PLXNB3: variants seen among roughly 807,000 people sequenced by gnomAD.
The protein encoded by PLXNB3 is plexin B3.
PLXNB3 carries 80 observed loss-of-function variants against 125.7 expected under a neutral mutation model. The observed-to-expected ratio is 0.64, with a 90% confidence interval of 0.53 to 0.77. The LOEUF (loss-of-function observed/expected upper bound fraction) is 0.77, where lower values mean the gene tolerates loss of function less well. Among genes scored for constraint, PLXNB3 ranks in the 30% least tolerant of loss-of-function variants. PLXNB3 has a pLI of 0.00. For missense variants in PLXNB3, 1,836 were observed against 1,729.3 expected (o/e 1.06, Z -1.09); for synonymous variants, 954 against 783.3 (o/e 1.22, Z -3.64).
chrX:153,769,706 CCCACTGCACT>C (rs2148418176), intron 6 of PLXNB3, 91 bp from the exon 7 acceptor site: 1 of 890,241 alleles, frequency 1.1e-6, no homozygotes, highest in East Asian at 3.4e-5. Flanking sequence ...CTCATTGCAC[CCCACTGCACT>C]CCAGCTGGGC....
chrX:153,766,619 G>A (rs1426070305), intron 2 of PLXNB3: 8 of 1,057,882 alleles, frequency 7.6e-6, no homozygotes, highest in Admixed American at 8.7e-5. Flanking sequence ...TTGTGTGCTT[G>A]TGCGTGCGTG....
At chrX:153,769,373 G>C (rs2091897319) in intron 6 of PLXNB3, 111 bp downstream of exon 6, 4 of 580,310 alleles carry the variant, frequency 6.9e-6, no homozygotes, top group African/African-American at 6.7e-5. Context: ...CTGTTGGAGA[G>C]ACTCAGGGCC....
At chrX:153,764,547 G>A (rs1406775460) in intron 1 of PLXNB3, among the ~76,000 whole-genome samples, 19 of 112,874 alleles carry the variant, frequency 1.7e-4, no homozygotes, top group Admixed American at 1.5e-3. Context: ...CGCCAGCCTC[G>A]GGCAGGGTAC....
At chrX:153,768,506 C>G in intron 4 of PLXNB3, 78 bp downstream of exon 4, 2 of 940,628 alleles carry the variant, frequency 2.1e-6, no homozygotes, top group Non-Finnish European at 2.9e-6. Context: ...CAACTTCCAC[C>G]TCTTAGCCCG....
Position 153,775,522 on chromosome X carries a change from G to A in PLXNB3, c.4335-72G>A, listed in dbSNP as rs149595730. ...GGGCCAGGAAGCCCCAGCAGGTGGG[G>A]GGAAGGAAAGTGAGATGTCCTCAGC... On this transcript the variant is annotated intron_variant, in intron 25 of 35. Transcript: ENST00000361971. The A allele has an allele frequency of 7.0e-3, 8,060 of 1,159,326 alleles. 31 individuals are homozygous for A. The highest frequency in any genetic ancestry group is 8.4e-3 in the Non-Finnish European group (7,131 of 850,335).
Position 153,769,203 on chromosome X carries a change from C to G in PLXNB3, c.1437C>G (p.Asp479Glu). Residue 479 changes from aspartate to glutamate, a missense_variant, in exon 6 of 36, where the codon GAC becomes GAG. By Grantham distance (45) the Asp-to-Glu change is conservative (BLOSUM62 2). Coordinates refer to ENST00000361971, the MANE Select transcript of PLXNB3 (RefSeq NM_005393.3). ...IPVAACPQFP[D>E]CASCLQAQDP... ...TGGCAGCCTGCCCCCAGTTCCCTGA[C>G]TGTGCCAGCTGCCTCCAGGCCCAGG... 1 of 1,181,604 alleles carries G rather than the reference C, an allele frequency of 8.5e-7. No homozygotes were observed. Among genetic ancestry groups the G allele is most frequent in the Non-Finnish European group, 1.1e-6 (1 of 880,271 alleles).
At chrX:153,765,353 AG>A in intron 1 of PLXNB3, 117 bp from the exon 2 acceptor site, 1 of 515,683 alleles carries the variant, frequency 1.9e-6, no homozygotes, top group Non-Finnish European at 3.2e-6. Context: ...CTATTGACAA[AG>A]CTGCCAGCTG....
In PLXNB3 at chrX:153,774,430, GC is replaced by G; in HGVS notation, c.3690del (p.Asn1231MetfsTer35). 1 of 1,191,004 alleles carries G rather than the reference GC, an allele frequency of 8.4e-7. No individual in the cohort carries two copies. On this transcript the variant is annotated frameshift_variant, in exon 22 of 36. Transcript: ENST00000361971. LOFTEE classifies it high-confidence loss of function. Reference protein sequence around the residue: ...SGLPQFVVQMGNVQLALGPVQ... With the variant: ...SGLPQFVVQMXNVQLALGPVQ... ...CTGCCCGCCCCCCAGGTGCAGATGG[GC>G]AATGTGCAGCTGGCCCTGGGCCCTG... is the stretch of plus-strand genomic sequence containing the variant.
At chrX:153,775,758 C>T in intron 26 of PLXNB3, 98 bp downstream of exon 26, 1 of 1,091,630 alleles carries the variant, frequency 9.2e-7, no homozygotes, top group Non-Finnish European at 1.2e-6. Context: ...TGACGAAGGC[C>T]CGGCAAGGGG....
chrX:153,776,407 C>T lies in PLXNB3; in HGVS notation c.4781C>T (p.Thr1594Ile). Residue 1594 changes from threonine to isoleucine, a missense_variant, in exon 28 of 36, where the codon ACC (threonine) becomes ATC (isoleucine). Thr to Ile is a moderately conservative substitution (Grantham distance 89). Coordinates refer to ENST00000361971, the MANE Select transcript of PLXNB3 (RefSeq NM_005393.3). ...GHLTLSDEDL[T>I]SVTQNHWKRL... Reference sequence around the variant, plus strand: ...CTGACCCTATCGGACGAAGACTTGACCTCCGTGACCCAAAACCACTGGAAG... The same window carrying T: ...CTGACCCTATCGGACGAAGACTTGATCTCCGTGACCCAAAACCACTGGAAG... 1 of 1,191,474 alleles carries T rather than the reference C, an allele frequency of 8.4e-7. No individual in the cohort carries two copies. The highest frequency in any genetic ancestry group is 1.8e-5 in the South Asian group (1 of 56,048).
At chrX:153,774,855 A>C (rs782091319) in intron 23 of PLXNB3, 25 bp from the exon 24 acceptor site, 4 of 1,205,616 alleles carry the variant, frequency 3.3e-6, no homozygotes, top group Middle Eastern at 2.3e-4. Context: ...CTGAACTCAC[A>C]CCTCGGCGCC....
At position 153,777,289 on chromosome X, in the gene PLXNB3, C is replaced by T. The variant is rs781957820; in HGVS notation, c.5009C>T (p.Ala1670Val). ...AAAGCCACCGAGGAGCCAGAAGGGG[C>T]CAAGGTGCGGTGCAGCAGCCTGCGG... ...LVKATEEPEGAKVRCSSLRER... is the reference protein window; with the variant it reads ...LVKATEEPEGVKVRCSSLRER... The change falls in exon 30 of 36, where the codon GCC becomes GTC. Residue 1670 changes from alanine (A) to valine (V), a missense_variant. By Grantham distance (64) the Ala-to-Val change is moderately conservative. Transcript: ENST00000361971. The T allele has an allele frequency of 1.9e-5, 23 of 1,202,994 alleles. No individual in the cohort carries two copies. The highest frequency in any genetic ancestry group is 5.2e-5 in the African/African-American group (3 of 57,454).
intron 2 of PLXNB3, 129 bp from the exon 3 acceptor site, chrX:153,766,744 T>C: frequency 2.8e-6 from 3 of 1,069,297 alleles, no homozygotes; most frequent in Non-Finnish European, 3.6e-6. Flanking sequence ...TCTCTCTCAT[T>C]CTCCATCTCT....
chrX:153,772,331 G>C (rs782484024), intron 16 of PLXNB3, 44 bp downstream of exon 16: 4 of 981,515 alleles, frequency 4.1e-6, no homozygotes, highest in Non-Finnish European at 5.7e-6. Flanking sequence ...GAGGGTAGGA[G>C]GGAGGGCCAG....
intron 10 of PLXNB3, 48 bp downstream of exon 10, chrX:153,770,690 C>A (rs201303584): frequency 8.3e-7 from 1 of 1,206,527 alleles, no homozygotes; most frequent in East Asian, 3.0e-5. Context: ...CCCTTCTCCA[C>A]CCTTCCCAGA....
At chrX:153,777,815 G>A in intron 31 of PLXNB3, 127 bp downstream of exon 31, 7 of 1,065,928 alleles carry the variant, frequency 6.6e-6, no homozygotes, top group South Asian at 2.2e-5. Flanking sequence ...CTAGGGCCCA[G>A]GTCACCTAGG....
chrX:153,774,899 C>T lies in PLXNB3; in HGVS notation c.3951C>T (p.Thr1317=), dbSNP rs1300366018. Residue 1317 remains threonine, a synonymous_variant, in exon 24 of 36, where the codon ACC becomes ACT. Coordinates refer to ENST00000361971, the MANE Select transcript of PLXNB3 (RefSeq NM_005393.3). ...KEFTDLMTEM[T]DLSSDLEGSG... is the part of the protein sequence containing the mutation. ...CCGCAGACCTCATGACGGAGATGACCGACCTCAGCAGCGACCTGGAGGGCA... is the reference window on the plus strand; with the variant it reads ...CCGCAGACCTCATGACGGAGATGACTGACCTCAGCAGCGACCTGGAGGGCA... The T allele has an allele frequency of 5.0e-6, 6 of 1,194,768 alleles. No homozygotes were observed. The highest frequency in any genetic ancestry group is 3.0e-5 in the East Asian group (1 of 33,641).
Position 153,766,856 on chromosome X carries a change from C to A in PLXNB3, c.46-17C>A, listed in dbSNP as rs5987153. The A allele has an allele frequency of 4.2e-6, 5 of 1,180,085 alleles. No homozygotes were observed. The highest frequency in any genetic ancestry group is 4.5e-6 in the Non-Finnish European group (4 of 881,510). On this transcript the variant is annotated splice_polypyrimidine_tract_variant and intron_variant, in intron 2 of 35. Coordinates refer to ENST00000361971, the MANE Select transcript of PLXNB3 (RefSeq NM_005393.3). ...CTGCCTTGCGCTCCCACTGCCCTGA[C>A]CTGTGCCCTCTCACAGGCCCCCGTG...
rs782275965 is a variant in PLXNB3 at position 153,769,815 on chromosome X, G to C, written c.1505G>C (p.Arg502Pro). 1 of 1,203,313 alleles carries C rather than the reference G, an allele frequency of 8.3e-7. No homozygotes were observed. The highest frequency in any genetic ancestry group is 1.7e-5 in the African/African-American group (1 of 57,407). Residue 502 changes from arginine (R) to proline (P), a missense_variant, in exon 7 of 36, where the codon CGG (arginine) becomes CCG (proline). By Grantham distance (103) the Arg-to-Pro change is moderately radical (BLOSUM62 -2). Coordinates refer to ENST00000361971, the MANE Select transcript of PLXNB3 (RefSeq NM_005393.3). ...GGACCCCTGCCTGGCAGGTGTACCCGGAAGGGCCAGTGCGGGCGGGCAGGC... is the reference window on the plus strand; with the variant it reads ...GGACCCCTGCCTGGCAGGTGTACCCCGAAGGGCCAGTGCGGGCGGGCAGGC... ...GWCVLQGRCT[R>P]KGQCGRAGQL...
Sources: allele counts gnomAD v4.1 joint callset (sites outside exome capture counted in the v4.1 genomes callset), GRCh38; gene constraint gnomAD v4.1.1; transcripts MANE v1.5; gene names NCBI Gene and HGNC (gene_info 2026-07-23, HGNC 2026-07-21).